The following FBP1 variants were observed in gnomAD, a reference collection of about 807,000 sequenced individuals.
FBP1 encodes fructose-1,6-bisphosphatase 1.
FBP1 carries 22 observed loss-of-function variants against 29.9 expected under a neutral mutation model. The observed-to-expected ratio is 0.74, with a 90% CI of 0.53 to 1.05. The LOEUF is 1.05. Among genes scored for constraint, FBP1 ranks in the 50% least tolerant of loss-of-function variants. FBP1 has a pLI of 0.00. For missense variants in FBP1, 345 were observed against 448.2 expected (o/e 0.77, Z 2.08); for synonymous variants, 175 against 178.6 (o/e 0.98, Z 0.16).
intron 1 of FBP1, among the ~76,000 whole-genome samples, chr9:94,625,465 C>G (rs1366566832): frequency 6.6e-6 from 1 of 151,892 alleles, no homozygotes; most frequent in Non-Finnish European, 1.5e-5. Flanking sequence ...CGGGGCTGCC[C>G]GCATCCACCA....
intron 2 of FBP1, among the ~76,000 whole-genome samples, chr9:94,618,475 A>T (rs1227910183): frequency 2.0e-5 from 3 of 150,336 alleles, no homozygotes; most frequent in African/African-American, 7.3e-5. Context: ...AAAAAAAAAA[A>T]AAAAAAAAAA....
chr9:94,616,344 G>GT (rs1023270864), intron 3 of FBP1, among the ~76,000 whole-genome samples: 1 of 148,848 alleles, frequency 6.7e-6, no homozygotes, highest in African/African-American at 2.5e-5. Context: ...TACTATTCTC[G>GT]TGAGGTATAA....
At chr9:94,626,335 A>G (rs887486702) in intron 1 of FBP1, among the ~76,000 whole-genome samples, 3 of 152,242 alleles carry the variant, frequency 2.0e-5, no homozygotes, top group African/African-American at 4.8e-5. Context: ...AGGTAGAAAC[A>G]GTGGGTCAAG....
chr9:94,626,995 C>A, intron 1 of FBP1, among the ~76,000 whole-genome samples: 1 of 152,030 alleles, frequency 6.6e-6, no homozygotes, highest in African/African-American at 2.4e-5. Flanking sequence ...TCAAGACCAG[C>A]CTGACCAACA....
rs1468468040 is a variant in FBP1 at position 94,639,288 on chromosome 9, T to G, written c.23A>C (p.Asp8Ala). 1 of 1,607,778 alleles carries G rather than the reference T, an allele frequency of 6.2e-7. No homozygotes were observed. Among genetic ancestry groups the G allele is most frequent in the Non-Finnish European group, 8.5e-7 (1 of 1,177,334 alleles). ...GCGGGTCAGGGTGTTGACGTCCGTG[T>G]CGAAGGGCGCCTGGTCAGCCATGCT... MADQAPFDTDVNTLTRFV... is the reference protein window; with the variant it reads MADQAPFATDVNTLTRFV... The change falls in exon 1 of 7, where the codon GAC (aspartate) becomes GCC (alanine). Residue 8 changes from aspartate (D) to alanine (A), a missense_variant. Physicochemically the swap from Asp to Ala is moderately radical, Grantham distance 126. Transcript: ENST00000375326.
chr9:94,612,058 A>G (rs572101096), intron 3 of FBP1, among the ~76,000 whole-genome samples: 23 of 152,334 alleles, frequency 1.5e-4, no homozygotes, highest in Non-Finnish European at 2.6e-4. Context: ...TATTCACCAG[A>G]CAGTACAGTG....
At chr9:94,624,217 A>ACCCGC (rs1827989478) in intron 1 of FBP1, among the ~76,000 whole-genome samples, 3 of 151,954 alleles carry the variant, frequency 2.0e-5, no homozygotes, top group African/African-American at 7.3e-5. Context: ...GGGCACCTGT[A>ACCCGC]GTCCCAGCTA....
chr9:94,628,833 G>A (rs1375679002), intron 1 of FBP1, among the ~76,000 whole-genome samples: 2 of 152,124 alleles, frequency 1.3e-5, no homozygotes, highest in East Asian at 1.9e-4. Context: ...CTTGAGAATA[G>A]CAAAGAGAAC....
At chr9:94,615,740 C>T (rs1200418181) in intron 3 of FBP1, among the ~76,000 whole-genome samples, 1 of 151,952 alleles carries the variant, frequency 6.6e-6, no homozygotes, top group African/African-American at 2.4e-5. Context: ...GCCATGGGGG[C>T]TCTACTTTTC....
At chr9:94,607,612 G>A (rs1827720208) in intron 4 of FBP1, among the ~76,000 whole-genome samples, 1 of 152,160 alleles carries the variant, frequency 6.6e-6, no homozygotes, top group African/African-American at 2.4e-5. Context: ...TAAGCTTTAG[G>A]CTCTTCAAAG....
At chr9:94,606,710 G>T in intron 5 of FBP1, 105 bp downstream of exon 5, 1 of 1,191,804 alleles carries the variant, frequency 8.4e-7, no homozygotes, top group Non-Finnish European at 1.2e-6. Flanking sequence ...CAAGGCCCTC[G>T]ATCCCAAGGA....
intron 3 of FBP1, among the ~76,000 whole-genome samples, chr9:94,611,154 C>A (rs532060982): frequency 6.6e-6 from 1 of 152,198 alleles, no homozygotes; most frequent in Non-Finnish European, 1.5e-5. Flanking sequence ...TGAGCCACTG[C>A]GCCCAGCCTG....
At chr9:94,622,779 A>G (rs1025926985) in intron 1 of FBP1, among the ~76,000 whole-genome samples, 1 of 151,826 alleles carries the variant, frequency 6.6e-6, no homozygotes, top group African/African-American at 2.4e-5. Flanking sequence ...TTTCGATCCT[A>G]TTTCCACATG....
intron 3 of FBP1, among the ~76,000 whole-genome samples, chr9:94,610,955 G>A (rs184585237): frequency 3.5e-3 from 526 of 150,860 alleles, no homozygotes; most frequent in African/African-American, 0.012. Flanking sequence ...GCTCCGCCTC[G>A]CGGGTTCACA....
intron 1 of FBP1, among the ~76,000 whole-genome samples, chr9:94,621,576 A>G (rs1827951705): frequency 6.6e-6 from 1 of 152,102 alleles, no homozygotes; most frequent in African/African-American, 2.4e-5. Flanking sequence ...TGTTTTCATT[A>G]TGATTCCCCT....
intron 1 of FBP1, among the ~76,000 whole-genome samples, chr9:94,635,036 C>T (rs978015847): frequency 9.7e-5 from 13 of 134,534 alleles, no homozygotes; most frequent in Non-Finnish European, 1.8e-4. Context: ...TTGCAGTAAG[C>T]TGAGATTGCA....
chr9:94,639,116 GC>G, intron 1 of FBP1, 24 bp downstream of exon 1: 1 of 1,576,386 alleles, frequency 6.3e-7, no homozygotes, highest in East Asian at 2.3e-5. Context: ...ACAGGACGGG[GC>G]CCACCGCCCA....
chr9:94,639,300 T>C lies in FBP1; in HGVS notation c.11A>G (p.Gln4Arg), dbSNP rs767550290. The change falls in exon 1 of 7, where the codon CAG becomes CGG. Residue 4 changes from glutamine to arginine, a missense_variant. By Grantham distance (43) the Gln-to-Arg change is conservative. Transcript: ENST00000375326. MAD[Q>R]APFDTDVNTL... The stretch of plus-strand genomic sequence containing the variant: ...GTTGACGTCCGTGTCGAAGGGCGCC[T>C]GGTCAGCCATGCTTGAACCGGGTAG... 1.2e-6 allele frequency: 2 copies of C among 1,607,052 alleles called. No individual in the cohort carries two copies. The highest frequency in any genetic ancestry group is 2.2e-5 in the South Asian group (2 of 89,726).
At chr9:94,635,369 G>C (rs1828176997) in intron 1 of FBP1, among the ~76,000 whole-genome samples, 1 of 152,190 alleles carries the variant, frequency 6.6e-6, no homozygotes. Flanking sequence ...CAATGAAAGT[G>C]ACTACAATAG....
Sources: allele counts gnomAD v4.1 joint callset (sites outside exome capture counted in the v4.1 genomes callset), GRCh38; gene constraint gnomAD v4.1.1; transcripts MANE v1.5; gene names NCBI Gene and HGNC (gene_info 2026-07-23, HGNC 2026-07-21).